The following BRINP3 variants were observed in gnomAD, a reference collection of about 807,000 sequenced individuals.
BRINP3 encodes BMP/retinoic acid-inducible neural-specific protein 3.
Under a neutral mutation model 71.0 loss-of-function variants are expected in BRINP3, and 19 were observed. The ratio of observed to expected loss-of-function variants is 0.27; its 90% CI spans 0.19 to 0.39. BRINP3 has a LOEUF of 0.39. Ranked by LOEUF, BRINP3 falls within the 10% of genes least tolerant of loss-of-function variation. The pLI is 1.00. For synonymous variants in BRINP3, 380 were observed against 337.7 expected (o/e 1.13, Z -1.37); for missense variants, 959 against 940.8 (o/e 1.02, Z -0.25).
At chr1:190,154,074 T>G in intron 7 of BRINP3, 1 of 963,396 alleles carries the variant, frequency 1.0e-6, no homozygotes, top group Non-Finnish European at 1.2e-6. Context: ...TTTTCAGTTA[T>G]GATTTTTAGT....
intron 6 of BRINP3, among the ~76,000 whole-genome samples, chr1:190,162,859 T>G (rs930145269): frequency 6.6e-6 from 1 of 152,154 alleles, no homozygotes; most frequent in Admixed American, 6.5e-5. Flanking sequence ...AATAATTACT[T>G]CATTATGAAA....
chr1:190,174,423 CACATAT>C (rs947663722), intron 6 of BRINP3, among the ~76,000 whole-genome samples: 2 of 151,950 alleles, frequency 1.3e-5, no homozygotes, highest in African/African-American at 4.8e-5. Context: ...TATATATACA[CACATAT>C]ACATGTACAC....
intron 7 of BRINP3, among the ~76,000 whole-genome samples, chr1:190,158,983 A>G (rs1196624194): frequency 6.6e-6 from 1 of 152,030 alleles, no homozygotes; most frequent in Non-Finnish European, 1.5e-5. Flanking sequence ...GGAACTTGCA[A>G]TCAGAACATA....
At chr1:190,366,815 A>C (rs1290460228) in intron 2 of BRINP3, among the ~76,000 whole-genome samples, 2 of 152,198 alleles carry the variant, frequency 1.3e-5, no homozygotes, top group Admixed American at 6.5e-5. Context: ...ATTAAACATT[A>C]AATTTCCAAA....
intron 6 of BRINP3, among the ~76,000 whole-genome samples, chr1:190,197,785 C>G (rs1054945634): frequency 5.3e-5 from 8 of 152,144 alleles, no homozygotes; most frequent in Admixed American, 2.0e-4. Flanking sequence ...GTGCAGAGGG[C>G]AAGCTGTTGG....
At position 190,350,563 on chromosome 1, in the gene BRINP3, A is replaced by G. The variant is rs557822021; in HGVS notation, c.237-68813T>C. ...AACCATGTGCATCCCTGGATTCTCTAGCTTTACTGAGAGAAAGAAAAATGA... is the reference window on the plus strand; with the variant it reads ...AACCATGTGCATCCCTGGATTCTCTGGCTTTACTGAGAGAAAGAAAAATGA... On this transcript the variant is annotated intron_variant, in intron 2 of 7. Transcript: ENST00000367462. Among the ~76,000 whole-genome samples the G allele has an allele frequency of 3.9e-5, 6 of 152,298 alleles. No homozygotes were observed. In the South Asian group the frequency reaches 1.2e-3, roughly 32 times the overall value.
At position 190,157,724 on chromosome 1, in the gene BRINP3, CAT is replaced by C. The variant is rs551308372; in HGVS notation, c.1184+2942_1184+2943del. On this transcript the variant is annotated intron_variant, in intron 7 of 7. Coordinates refer to ENST00000367462, the MANE Select transcript of BRINP3 (RefSeq NM_199051.3). ...TGTTCCCTGGGAGTACACAAAAAGA[CAT>C]ATTAAATATCTTATTTGTGGAGGAA... 1.1e-4 allele frequency among the ~76,000 whole-genome samples: 17 copies of C among 152,068 alleles called. No homozygotes were observed. In the South Asian group the frequency reaches 3.5e-3, roughly 32 times the overall value.
intron 7 of BRINP3, among the ~76,000 whole-genome samples, chr1:190,101,323 AAT>A (rs1651681438): frequency 6.6e-6 from 1 of 152,142 alleles, no homozygotes; most frequent in Non-Finnish European, 1.5e-5. Context: ...ACATTACATC[AAT>A]ATATGAGTGT....
intron 2 of BRINP3, among the ~76,000 whole-genome samples, chr1:190,388,059 AAGC>A (rs1436629448): frequency 6.6e-6 from 1 of 151,868 alleles, no homozygotes; most frequent in African/African-American, 2.4e-5. Context: ...AAATAAATAT[AAGC>A]CATTCCCCAG....
At chr1:190,452,317 A>T (rs1675666031) in intron 2 of BRINP3, among the ~76,000 whole-genome samples, 2 of 152,326 alleles carry the variant, frequency 1.3e-5, no homozygotes, top group South Asian at 4.1e-4. Context: ...GTTTTATAAG[A>T]AGTTGTAACC....
rs150903715 is a variant in BRINP3, at chr1:190,411,964, C to T, written c.236+42691G>A. Among the ~76,000 whole-genome samples, 435 of 152,216 alleles carry T rather than the reference C, an allele frequency of 2.9e-3. 3 individuals carry two copies. The highest frequency in any genetic ancestry group is 9.9e-3 in the African/African-American group (411 of 41,542). On this transcript the variant is annotated intron_variant, in intron 2 of 7. Coordinates refer to ENST00000367462, the MANE Select transcript of BRINP3 (RefSeq NM_199051.3). ...GACGACTGAAATTCTGTTAATAGAG[C>T]TGTCAGACCCCAGCATCCTCCTTTC...
At chr1:190,381,950 T>C (rs931595239) in intron 2 of BRINP3, among the ~76,000 whole-genome samples, 4 of 152,192 alleles carry the variant, frequency 2.6e-5, no homozygotes, top group Middle Eastern at 3.2e-3. Flanking sequence ...CACATAAAAT[T>C]ATAGCTACAA....
intron 2 of BRINP3, among the ~76,000 whole-genome samples, chr1:190,301,996 C>A (rs926554793): frequency 4.6e-5 from 7 of 151,464 alleles, no homozygotes; most frequent in African/African-American, 1.5e-4. Flanking sequence ...TTTTAACATA[C>A]TTTATTTTCT....
intron 2 of BRINP3, among the ~76,000 whole-genome samples, chr1:190,376,347 A>G (rs1308596826): frequency 2.0e-5 from 3 of 152,060 alleles, no homozygotes; most frequent in Non-Finnish European, 4.4e-5. Flanking sequence ...ATTCAATATT[A>G]AAGCTGTAAA....
Position 190,386,970 on chromosome 1 carries a change from G to A in BRINP3, c.236+67685C>T, listed in dbSNP as rs142998213. On this transcript the variant is annotated intron_variant, in intron 2 of 7. Coordinates refer to ENST00000367462, the MANE Select transcript of BRINP3 (RefSeq NM_199051.3). ...TTGATTTTTAAAATTATTTGCCAACGTTTGCACCACCACACCACCAAAAAA... is the reference window on the plus strand; with the variant it reads ...TTGATTTTTAAAATTATTTGCCAACATTTGCACCACCACACCACCAAAAAA... 5.7e-3 allele frequency among the ~76,000 whole-genome samples: 867 copies of A among 151,908 alleles called. 6 individuals are homozygous for A. Among genetic ancestry groups the A allele is most frequent in the African/African-American group, 0.019 (778 of 41,448 alleles).
intron 7 of BRINP3, among the ~76,000 whole-genome samples, chr1:190,131,964 C>G (rs1654580819): frequency 6.6e-6 from 1 of 151,998 alleles, no homozygotes; most frequent in South Asian, 2.1e-4. Flanking sequence ...GCAAAATGTG[C>G]AGCGAAGTTT....
At chr1:190,219,257 C>T (rs1411954770) in intron 6 of BRINP3, among the ~76,000 whole-genome samples, 3 of 151,940 alleles carry the variant, frequency 2.0e-5, no homozygotes, top group Admixed American at 2.0e-4. Context: ...AAAGACAGAA[C>T]AAAAATTGAG....
chr1:190,457,729 G>T (rs1031669139), intron 1 of BRINP3, among the ~76,000 whole-genome samples: 2 of 152,012 alleles, frequency 1.3e-5, no homozygotes, highest in African/African-American at 4.8e-5. Context: ...CAAATGTTTT[G>T]TACTCACACA....
intron 7 of BRINP3, among the ~76,000 whole-genome samples, chr1:190,144,890 C>T (rs549067388): frequency 9.9e-5 from 15 of 152,256 alleles, no homozygotes; most frequent in Non-Finnish European, 1.3e-4. Flanking sequence ...GCTGTTCAGT[C>T]GGCCTGTAAT....
Sources: allele counts gnomAD v4.1 joint callset (sites outside exome capture counted in the v4.1 genomes callset), GRCh38; gene constraint gnomAD v4.1.1; transcripts MANE v1.5; gene names NCBI Gene and HGNC (gene_info 2026-07-23, HGNC 2026-07-21).